The following MOB3B variants were observed in gnomAD, a reference collection of about 807,000 sequenced individuals.
The protein encoded by MOB3B is MOB kinase activator-like 2B.
In MOB3B, 7 loss-of-function variants were observed where a neutral mutation model predicts 18.7. The observed-to-expected ratio is 0.37, with a 90% CI of 0.21 to 0.70. The LOEUF (loss-of-function observed/expected upper bound fraction) is 0.70. MOB3B is among the 30% of genes least tolerant of loss of function. The pLI is 0.52. For missense variants in MOB3B, 253 were observed against 281.3 expected (o/e 0.90, Z 0.72); for synonymous variants, 111 against 99.9 (o/e 1.11, Z -0.66).
chr9:27,396,233 C>G (rs1481918118), intron 2 of MOB3B, among the ~76,000 whole-genome samples: 1 of 152,088 alleles, frequency 6.6e-6, no homozygotes, highest in Non-Finnish European at 1.5e-5. Context: ...TGAGGCAATT[C>G]TCTTATTTTC....
At chr9:27,349,539 G>A (rs1232140658) in intron 3 of MOB3B, among the ~76,000 whole-genome samples, 1 of 152,102 alleles carries the variant, frequency 6.6e-6, no homozygotes, top group African/African-American at 2.4e-5. Flanking sequence ...TGGGCATCAA[G>A]CCATACTGAC....
chr9:27,390,332 C>A, intron 2 of MOB3B, among the ~76,000 whole-genome samples: 1 of 151,852 alleles, frequency 6.6e-6, no homozygotes, highest in East Asian at 1.9e-4. Flanking sequence ...TCACTGCCTC[C>A]TCTGGGGTTA....
At chr9:27,369,785 G>A (rs1821388730) in intron 2 of MOB3B, among the ~76,000 whole-genome samples, 1 of 152,166 alleles carries the variant, frequency 6.6e-6, no homozygotes, top group Non-Finnish European at 1.5e-5. Context: ...CATTTCGCCT[G>A]ACTAACTCCC....
At position 27,327,732 on chromosome 9, in the gene MOB3B, G is replaced by T. The variant is rs1820733034; in HGVS notation, c.*2855C>A. On this transcript the variant is annotated 3_prime_UTR_variant, in exon 4 of 4. Transcript: ENST00000262244. ...AAACAGCTATAAAGGATATTTTGGG[G>T]ACAACTGGAGAATTTTGAATATGGA... 1 of 152,122 alleles carries T rather than the reference G, an allele frequency of 6.6e-6. No homozygotes were observed. Among genetic ancestry groups the T allele is most frequent in the Non-Finnish European group, 1.5e-5 (1 of 68,024 alleles). The allele number at this position is 152,122 out of a possible 1,614,324, so 9.4% of individuals were successfully genotyped here.
At chr9:27,508,293 C>A (rs1314305665) in intron 1 of MOB3B, among the ~76,000 whole-genome samples, 5 of 152,136 alleles carry the variant, frequency 3.3e-5, no homozygotes, top group Non-Finnish European at 5.9e-5. Context: ...TAAACCATAA[C>A]AAGATCTAAA....
intron 2 of MOB3B, among the ~76,000 whole-genome samples, chr9:27,426,313 G>GA (rs1822329158): frequency 6.6e-6 from 1 of 152,202 alleles, no homozygotes; most frequent in Admixed American, 6.5e-5. Context: ...AAATAGGAAG[G>GA]AAAGGGGTTA....
chr9:27,506,018 G>A (rs916701094), intron 1 of MOB3B, among the ~76,000 whole-genome samples: 6 of 152,170 alleles, frequency 3.9e-5, no homozygotes, highest in Non-Finnish European at 7.3e-5. Flanking sequence ...TTGCCACATG[G>A]AAACTAAAAC....
chr9:27,445,438 A>G (rs1441446636), intron 2 of MOB3B, among the ~76,000 whole-genome samples: 1 of 152,078 alleles, frequency 6.6e-6, no homozygotes, highest in African/African-American at 2.4e-5. Flanking sequence ...GAAAACAGAA[A>G]AAAGCCAGCA....
At position 27,328,888 on chromosome 9, in the gene MOB3B, C is replaced by G. The variant is rs3739532; in HGVS notation, c.*1699G>C. On this transcript the variant is annotated 3_prime_UTR_variant, in exon 4 of 4. Transcript: ENST00000262244. The stretch of plus-strand genomic sequence containing the variant: ...TCTCAAAGTTACTTAGGAAGGGGGA[C>G]AAAAGTATGTTTATTGTTGACCAGG... The G allele has an allele frequency of 0.027, 4,168 of 152,462 alleles. 139 individuals carry two copies. Among genetic ancestry groups the G allele is most frequent in the African/African-American group, 0.089 (3,674 of 41,440 alleles). 9.4% of individuals were successfully genotyped at this position (152,462 alleles called of 1,614,324 possible).
chr9:27,370,632 T>C (rs982946695), intron 2 of MOB3B, among the ~76,000 whole-genome samples: 1 of 152,132 alleles, frequency 6.6e-6, no homozygotes, highest in Non-Finnish European at 1.5e-5. Context: ...AGACACTGAA[T>C]CTGTCAGTGC....
At chr9:27,355,818 G>A (rs1821181560) in intron 3 of MOB3B, among the ~76,000 whole-genome samples, 1 of 152,036 alleles carries the variant, frequency 6.6e-6, no homozygotes, top group Non-Finnish European at 1.5e-5. Flanking sequence ...TGCCTCGAGA[G>A]CATAGATTTT....
chr9:27,334,644 C>T (rs1301802009), intron 3 of MOB3B, among the ~76,000 whole-genome samples: 1 of 152,172 alleles, frequency 6.6e-6, no homozygotes, highest in Non-Finnish European at 1.5e-5. Context: ...AGTCTAACCT[C>T]AGTGTACCCA....
At chr9:27,515,082 C>T (rs1214028082) in intron 1 of MOB3B, among the ~76,000 whole-genome samples, 2 of 152,154 alleles carry the variant, frequency 1.3e-5, no homozygotes, top group Non-Finnish European at 2.9e-5. Context: ...TATATTATCT[C>T]TTTGCTTGTA....
intron 2 of MOB3B, among the ~76,000 whole-genome samples, chr9:27,439,228 C>G (rs560718229): frequency 6.6e-6 from 1 of 152,190 alleles, no homozygotes; most frequent in East Asian, 1.9e-4. Flanking sequence ...CAGAATCTAC[C>G]TTTATATACT....
intron 1 of MOB3B, among the ~76,000 whole-genome samples, chr9:27,518,936 A>C (rs774095286): frequency 3.9e-5 from 6 of 152,196 alleles, no homozygotes; most frequent in Non-Finnish European, 7.4e-5. Context: ...TTTCTTCTGG[A>C]GGGGAAGACA....
chr9:27,378,852 A>G (rs2131372742), intron 2 of MOB3B: 1 of 376,284 alleles, frequency 2.7e-6, no homozygotes, highest in Non-Finnish European at 5.4e-6. Flanking sequence ...AAGGGAAAAG[A>G]AAATTGCAAA....
intron 1 of MOB3B, among the ~76,000 whole-genome samples, chr9:27,499,270 A>G (rs542483553): frequency 6.6e-6 from 1 of 152,212 alleles, no homozygotes; most frequent in Non-Finnish European, 1.5e-5. Context: ...AATCACAGAA[A>G]AGCCAGAGGA....
chr9:27,360,342 A>G (rs1821256376), intron 2 of MOB3B, among the ~76,000 whole-genome samples: 1 of 152,122 alleles, frequency 6.6e-6, no homozygotes, highest in African/African-American at 2.4e-5. Flanking sequence ...TATCTCTACT[A>G]AAAATACAAA....
chr9:27,425,720 A>G (rs1257318100), intron 2 of MOB3B, among the ~76,000 whole-genome samples: 1 of 147,528 alleles, frequency 6.8e-6, no homozygotes, highest in Non-Finnish European at 1.5e-5. Flanking sequence ...CTTATGTCTA[A>G]AAGGGGTCAA....
Sources: allele counts gnomAD v4.1 joint callset (sites outside exome capture counted in the v4.1 genomes callset), GRCh38; gene constraint gnomAD v4.1.1; transcripts MANE v1.5; gene names NCBI Gene and HGNC (gene_info 2026-07-23, HGNC 2026-07-21).